The following ZBTB20 variants were observed in gnomAD, a reference collection of about 807,000 sequenced individuals.
ZBTB20 encodes zinc finger and BTB domain-containing protein 20.
In ZBTB20, 9 loss-of-function variants were observed where a neutral mutation model predicts 56.9. That is an observed-to-expected ratio of 0.16 (90% confidence interval 0.10 to 0.28). The LOEUF is 0.28. ZBTB20 is among the 10% of genes least tolerant of loss of function. ZBTB20 has a pLI of 1.00. For synonymous variants in ZBTB20, 417 were observed against 420.7 expected (o/e 0.99, Z 0.11); for missense variants, 655 against 1,003.0 (o/e 0.65, Z 4.69).
At chr3:114,856,999 C>G (rs2075283767) in intron 4 of ZBTB20, among the ~76,000 whole-genome samples, 1 of 152,176 alleles carries the variant, frequency 6.6e-6, no homozygotes, top group South Asian at 2.1e-4. Context: ...AAAAAAGTCA[C>G]TGGTTTGTTG....
chr3:114,980,132 T>G (rs773435488), intron 2 of ZBTB20, among the ~76,000 whole-genome samples: 5 of 152,034 alleles, frequency 3.3e-5, no homozygotes, highest in African/African-American at 9.6e-5. Flanking sequence ...TGTTTAAAAG[T>G]AACCCGAGCC....
intron 7 of ZBTB20, among the ~76,000 whole-genome samples, chr3:114,438,426 C>CCA (rs1553712938): frequency 5.5e-5 from 6 of 109,350 alleles, no homozygotes; most frequent in African/African-American, 2.1e-4. Context: ...CAAAAAAAAA[C>CCA]AAAAAAAACC....
At chr3:114,756,186 G>A (rs1417567904) in intron 5 of ZBTB20, among the ~76,000 whole-genome samples, 1 of 152,010 alleles carries the variant, frequency 6.6e-6, no homozygotes, top group Non-Finnish European at 1.5e-5. Flanking sequence ...ACATATGTAT[G>A]TATGTGTATT....
intron 4 of ZBTB20, among the ~76,000 whole-genome samples, chr3:114,858,768 T>C (rs986841462): frequency 6.6e-6 from 1 of 152,192 alleles, no homozygotes; most frequent in African/African-American, 2.4e-5. Flanking sequence ...GACTTCTTTG[T>C]CATGAATATT....
intron 1 of ZBTB20, among the ~76,000 whole-genome samples, chr3:115,146,723 G>T (rs1158336417): frequency 6.6e-6 from 1 of 152,206 alleles, no homozygotes; most frequent in Non-Finnish European, 1.5e-5. Flanking sequence ...CGGCAAGCGG[G>T]GGAGGGCGAG....
chr3:114,985,310 AAGGT>A (rs1425802796), intron 2 of ZBTB20, among the ~76,000 whole-genome samples: 1 of 152,068 alleles, frequency 6.6e-6, no homozygotes, highest in Non-Finnish European at 1.5e-5. Context: ...TACAATGTGC[AAGGT>A]AGTTCTTTTT....
chr3:114,564,891 A>G (rs1431366916), intron 6 of ZBTB20, among the ~76,000 whole-genome samples: 1 of 152,208 alleles, frequency 6.6e-6, no homozygotes, highest in African/African-American at 2.4e-5. Context: ...TACCATGAGA[A>G]ATTCCCTTAT....
intron 6 of ZBTB20, among the ~76,000 whole-genome samples, chr3:114,536,754 T>C (rs1484302904): frequency 1.3e-5 from 2 of 152,134 alleles, no homozygotes; most frequent in South Asian, 2.1e-4. Context: ...AGAAGGCTAC[T>C]GTTACCAAAA....
At chr3:114,787,810 T>A (rs939471566) in intron 5 of ZBTB20, among the ~76,000 whole-genome samples, 1 of 152,178 alleles carries the variant, frequency 6.6e-6, no homozygotes, top group Non-Finnish European at 1.5e-5. Context: ...TGGTTTCTCC[T>A]ACTAATAAGA....
intron 3 of ZBTB20, among the ~76,000 whole-genome samples, chr3:114,915,082 C>T (rs948556375): frequency 4.0e-5 from 6 of 151,266 alleles, no homozygotes; most frequent in African/African-American, 7.3e-5. Context: ...TAGGATGATA[C>T]TGGCCTCACA....
At chr3:114,501,811 C>T (rs945262742) in intron 6 of ZBTB20, among the ~76,000 whole-genome samples, 1 of 148,374 alleles carries the variant, frequency 6.7e-6, no homozygotes, top group African/African-American at 2.5e-5. Flanking sequence ...TGAGTTTAAG[C>T]GATTCTCCTG....
At chr3:114,868,110 G>A (rs1009726420) in intron 4 of ZBTB20, among the ~76,000 whole-genome samples, 1 of 152,002 alleles carries the variant, frequency 6.6e-6, no homozygotes, top group African/African-American at 2.4e-5. Context: ...GCAACAGCTG[G>A]GACAAGAAGG....
At chr3:114,901,314 T>C (rs1263128350) in intron 3 of ZBTB20, among the ~76,000 whole-genome samples, 3 of 152,152 alleles carry the variant, frequency 2.0e-5, no homozygotes, top group Admixed American at 6.6e-5. Context: ...GTTTAATTTA[T>C]ATAGTTCTTC....
In ZBTB20 at chr3:114,339,076, C is replaced by T. The variant is rs779910215; in HGVS notation, c.2155G>A (p.Val719Ile). The T allele has an allele frequency of 9.9e-5, 155 of 1,564,964 alleles. 2 individuals carry two copies. The South Asian group carries it at 1.6e-3, about 16-fold the overall frequency. ...CTEGTTYVCS[V>I]CPAKFDQIEQ... ...ATTTGGTCAAACTTTGCTGGGCAGACGGAGCAGACGTAAGTGGTCCCCTCC... is the reference window on the plus strand; with the variant it reads ...ATTTGGTCAAACTTTGCTGGGCAGATGGAGCAGACGTAAGTGGTCCCCTCC... Residue 719 changes from valine to isoleucine, a missense_variant, in exon 12 of 12, where the codon GTC (valine) becomes ATC (isoleucine). By Grantham distance (29) the Val-to-Ile change is conservative (BLOSUM62 3). Coordinates refer to ENST00000675478, the MANE Select transcript of ZBTB20 (RefSeq NM_001348800.3). The surrounding 1 kb of genome is among the most constrained non-coding windows in gnomAD (Gnocchi z 4.2).
rs572621978 is a variant in ZBTB20, at chr3:114,515,604, T to C, written c.-294-15213A>G. 4.5e-4 allele frequency among the ~76,000 whole-genome samples: 68 copies of C among 152,316 alleles called. 1 individual carries two copies. The Middle Eastern group carries it at 0.01, about 23-fold the overall frequency. On this transcript the variant is annotated intron_variant, in intron 6 of 11. Transcript: ENST00000675478. The stretch of plus-strand genomic sequence containing the variant: ...ATTTAACTGGTTATAACCCATCCCC[T>C]ACCCTTCACTCTCAGCTAGTAACCT...
chr3:114,493,049 T>A (rs918136370), intron 7 of ZBTB20, among the ~76,000 whole-genome samples: 1 of 152,202 alleles, frequency 6.6e-6, no homozygotes, highest in African/African-American at 2.4e-5. Context: ...ACTCCCTAAC[T>A]TTGTCATCCA....
chr3:114,435,956 A>G (rs2108922621), intron 7 of ZBTB20, among the ~76,000 whole-genome samples: 1 of 152,212 alleles, frequency 6.6e-6, no homozygotes, highest in East Asian at 1.9e-4. Context: ...CAGTAATATG[A>G]TATTTCCCGC....
At chr3:114,505,891 T>C (rs2044550316) in intron 6 of ZBTB20, among the ~76,000 whole-genome samples, 2 of 152,114 alleles carry the variant, frequency 1.3e-5, no homozygotes, top group Admixed American at 1.3e-4. Flanking sequence ...TCAAAAAAAT[T>C]TGTACTAGAT....
At chr3:114,787,630 ATAG>A (rs1031399422) in intron 5 of ZBTB20, among the ~76,000 whole-genome samples, 1 of 151,880 alleles carries the variant, frequency 6.6e-6, no homozygotes, top group African/African-American at 2.4e-5. Context: ...TCATATTCTG[ATAG>A]TGGTGGTGGT....
Sources: gnomAD v4.1 joint callset for allele counts (sites outside exome capture counted in the v4.1 genomes callset) on GRCh38, gnomAD v4.1.1 for gene constraint, Gnocchi (gnomAD v3.1) non-coding constraint, MANE v1.5 for transcripts, NCBI Gene and HGNC (gene_info 2026-07-23, HGNC 2026-07-21) for gene names.